The following WWOX variants were observed in gnomAD, a reference collection of about 807,000 sequenced individuals.
WWOX encodes WW domain containing oxidoreductase.
In WWOX, 69 loss-of-function variants were observed where a neutral mutation model predicts 46.2. The observed-to-expected ratio is 1.49, with a 90% CI of 1.23 to 1.82. The LOEUF (loss-of-function observed/expected upper bound fraction) is 1.82. WWOX is among the 40% of genes most tolerant of loss of function. The pLI is 0.00. For synonymous variants in WWOX, 359 were observed against 202.6 expected, an observed-to-expected ratio of 1.77 and a Z score of -6.56; for missense variants, 919 against 542.6, an observed-to-expected ratio of 1.69 and a Z score of -6.89.
intron 8 of WWOX, among the ~76,000 whole-genome samples, chr16:78,710,403 C>G (rs1295396801): frequency 6.9e-6 from 1 of 144,978 alleles, no homozygotes; most frequent in African/African-American, 2.6e-5. Context: ...ATCTGCTATG[C>G]AGCATTGGCC....
At chr16:78,791,606 G>A (rs1034110315) in intron 8 of WWOX, among the ~76,000 whole-genome samples, 3 of 152,066 alleles carry the variant, frequency 2.0e-5, no homozygotes, top group Non-Finnish European at 4.4e-5. Flanking sequence ...GGCTGGGTGC[G>A]GTGGCTCATA....
chr16:78,397,293 A>G (rs954513003), intron 6 of WWOX, among the ~76,000 whole-genome samples: 2 of 152,190 alleles, frequency 1.3e-5, no homozygotes, highest in African/African-American at 2.4e-5. Context: ...TAATGATGAT[A>G]ATAATTGCTA....
At chr16:78,819,965 C>G (rs142891357) in intron 8 of WWOX, among the ~76,000 whole-genome samples, 6 of 152,130 alleles carry the variant, frequency 3.9e-5, no homozygotes, top group East Asian at 1.9e-4. Context: ...AATTTATACT[C>G]TTAGTTTGAT....
intron 8 of WWOX, among the ~76,000 whole-genome samples, chr16:78,861,141 C>T (rs977186474): frequency 6.6e-6 from 1 of 152,086 alleles, no homozygotes; most frequent in Non-Finnish European, 1.5e-5. Flanking sequence ...GTCTGCCTGC[C>T]TGCCTTTCCT....
At chr16:78,401,997 C>T (rs1483643468) in intron 6 of WWOX, among the ~76,000 whole-genome samples, 34 of 152,174 alleles carry the variant, frequency 2.2e-4, no homozygotes, top group Admixed American at 2.2e-3. Flanking sequence ...CTATGCCCAG[C>T]CAAAATTCAT....
At chr16:78,974,751 G>A (rs1455717381) in intron 8 of WWOX, among the ~76,000 whole-genome samples, 2 of 152,188 alleles carry the variant, frequency 1.3e-5, no homozygotes, top group Non-Finnish European at 2.9e-5. Flanking sequence ...GGTCTCTGGT[G>A]TTGGGTCCGC....
chr16:79,137,254 A>G (rs1394907608), intron 8 of WWOX, among the ~76,000 whole-genome samples: 1 of 152,220 alleles, frequency 6.6e-6, no homozygotes, highest in Non-Finnish European at 1.5e-5. Context: ...TATAGAAATC[A>G]CCATGCTTCC....
At chr16:78,961,048 G>A (rs1160491640) in intron 8 of WWOX, among the ~76,000 whole-genome samples, 1 of 152,050 alleles carries the variant, frequency 6.6e-6, no homozygotes, top group East Asian at 1.9e-4. Context: ...ATACATCTGG[G>A]CATGATGACC....
At chr16:79,110,581 A>C (rs527531887) in intron 8 of WWOX, 1 of 152,228 alleles carries the variant, frequency 6.6e-6, no homozygotes, top group Non-Finnish European at 1.5e-5. Context: ...GAAGAGAAGC[A>C]GTCATTTCCC....
chr16:78,413,754 T>G (rs535878802), intron 6 of WWOX, among the ~76,000 whole-genome samples: 2 of 151,972 alleles, frequency 1.3e-5, no homozygotes, highest in African/African-American at 2.4e-5. Context: ...GGTGCCCTCC[T>G]GTGCTGACTC....
At chr16:79,151,162 T>A (rs1342124788) in intron 8 of WWOX, among the ~76,000 whole-genome samples, 1 of 152,216 alleles carries the variant, frequency 6.6e-6, no homozygotes, top group Non-Finnish European at 1.5e-5. Context: ...GCTTTCCATA[T>A]GTTATATAGT....
At chr16:78,524,727 T>C (rs1597210780) in intron 8 of WWOX, among the ~76,000 whole-genome samples, 1 of 151,796 alleles carries the variant, frequency 6.6e-6, no homozygotes, top group East Asian at 1.9e-4. Context: ...CCTGTATTTA[T>C]CTTTTTAAGT....
intron 8 of WWOX, among the ~76,000 whole-genome samples, chr16:79,033,505 A>G (rs1379455696): frequency 6.6e-6 from 1 of 152,080 alleles, no homozygotes; most frequent in East Asian, 1.9e-4. Flanking sequence ...AATCGAGTGG[A>G]AGGTACAGGG....
intron 7 of WWOX, among the ~76,000 whole-genome samples, chr16:78,431,709 T>C (rs1299090754): frequency 6.6e-6 from 1 of 150,824 alleles, no homozygotes; most frequent in South Asian, 2.1e-4. Context: ...TTTTTTAATT[T>C]TTAAATTTTA....
chr16:78,974,928 G>T (rs2046542041), intron 8 of WWOX, among the ~76,000 whole-genome samples: 1 of 152,260 alleles, frequency 6.6e-6, no homozygotes, highest in South Asian at 2.1e-4. Flanking sequence ...TGCAGCCTCG[G>T]AATTTAATGA....
chr16:79,103,988 A>C (rs1330092317), intron 8 of WWOX, among the ~76,000 whole-genome samples: 2 of 129,414 alleles, frequency 1.5e-5, no homozygotes, highest in Non-Finnish European at 3.1e-5. Context: ...TATAGTCAGT[A>C]ACCAATCCTG....
In WWOX at chr16:78,427,489, G is replaced by C. The variant is rs150463621; in HGVS notation, c.791+2434G>C. Among the ~76,000 whole-genome samples the C allele has an allele frequency of 1.5e-3, 234 of 152,214 alleles. 1 individual carries two copies. Among genetic ancestry groups the C allele is most frequent in the African/African-American group, 5.1e-3 (211 of 41,524 alleles). Reference sequence around the variant, plus strand: ...CTCAATGGCTGCAGCTGCATGGAGTGCCAAATTGCCCTCCCCCACCCCACA... The same window carrying C: ...CTCAATGGCTGCAGCTGCATGGAGTCCCAAATTGCCCTCCCCCACCCCACA... On this transcript the variant is annotated intron_variant, in intron 7 of 8. Transcript: ENST00000566780.
chr16:78,129,436 A>G (rs1404756481), intron 4 of WWOX, among the ~76,000 whole-genome samples: 3 of 152,178 alleles, frequency 2.0e-5, no homozygotes, highest in African/African-American at 7.2e-5. Flanking sequence ...AGTGTTAAGT[A>G]TTTGTGTATC....
intron 8 of WWOX, among the ~76,000 whole-genome samples, chr16:78,522,038 AG>A (rs1206536839): frequency 1.3e-5 from 2 of 151,774 alleles, no homozygotes; most frequent in African/African-American, 4.8e-5. Context: ...ATCACTTTGT[AG>A]TAAGTGGGAG....
Sources: gnomAD v4.1 joint callset for allele counts (sites outside exome capture counted in the v4.1 genomes callset) on GRCh38, gnomAD v4.1.1 for gene constraint, MANE v1.5 for transcripts, NCBI Gene and HGNC (gene_info 2026-07-23, HGNC 2026-07-21) for gene names.